TNKS: variants seen among roughly 807,000 people sequenced by gnomAD.
TNKS encodes poly [ADP-ribose] polymerase tankyrase-1.
In TNKS, 72 loss-of-function variants were observed where a neutral mutation model predicts 135.8. That is an observed-to-expected ratio of 0.53 (90% confidence interval 0.44 to 0.64). The LOEUF is 0.64. Ranked by LOEUF, TNKS falls within the 30% of genes least tolerant of loss-of-function variation. TNKS has a pLI of 0.00. For missense variants in TNKS, 1,769 were observed against 1,674.0 expected (o/e 1.06, Z -0.99); for synonymous variants, 849 against 649.3 (o/e 1.31, Z -4.68).
intron 13 of TNKS, among the ~76,000 whole-genome samples, chr8:9,730,337 A>G (rs752637719): frequency 2.8e-4 from 43 of 152,326 alleles, no homozygotes; most frequent in South Asian, 1.2e-3. Context: ...TTGTAAAGGT[A>G]AGCAAACGTT....
rs530248428 is a variant in TNKS, at chr8:9,763,142, G to T, written c.3275-5G>T. ...GTTTTATATGTTAATTTTTCTCTCCGACAGGCACCAATCCTTATTTGACTT... is the reference window on the plus strand; with the variant it reads ...GTTTTATATGTTAATTTTTCTCTCCTACAGGCACCAATCCTTATTTGACTT... On this transcript the variant is annotated splice_region_variant and splice_polypyrimidine_tract_variant and intron_variant, in intron 21 of 26. Coordinates refer to ENST00000310430, the MANE Select transcript of TNKS (RefSeq NM_003747.3). 1 of 1,546,440 alleles carries T rather than the reference G, an allele frequency of 6.5e-7. No individual in the cohort carries two copies. Among genetic ancestry groups the T allele is most frequent in the Non-Finnish European group, 8.8e-7 (1 of 1,139,714 alleles).
chr8:9,689,844 C>A (rs1012497867), intron 5 of TNKS, among the ~76,000 whole-genome samples: 1 of 152,118 alleles, frequency 6.6e-6, no homozygotes. Flanking sequence ...TAAGGTGGAC[C>A]GATTCCCTCC....
At chr8:9,563,011 C>A (rs1418945531) in intron 1 of TNKS, among the ~76,000 whole-genome samples, 1 of 151,836 alleles carries the variant, frequency 6.6e-6, no homozygotes, top group Non-Finnish European at 1.5e-5. Flanking sequence ...ATTATTCGTT[C>A]TTTTCTTTTT....
At position 9,612,369 on chromosome 8, in the gene TNKS, A is replaced by G. The variant is rs767914458; in HGVS notation, c.899-3213A>G. On this transcript the variant is annotated intron_variant, in intron 2 of 26. Transcript: ENST00000310430. ...TAAACAGTTCTGGGAATCGAATTTT[A>G]TATAATATGCTTTGTATAGCATAGA... 5.2e-4 allele frequency among the ~76,000 whole-genome samples: 79 copies of G among 152,272 alleles called. 1 individual carries two copies. The highest frequency in any genetic ancestry group is 8.1e-4 in the Non-Finnish European group (55 of 68,014).
chr8:9,629,471 G>T (rs547804457), intron 3 of TNKS, among the ~76,000 whole-genome samples: 6 of 152,088 alleles, frequency 3.9e-5, no homozygotes, highest in African/African-American at 1.4e-4. Flanking sequence ...TTTTAATCTG[G>T]CCCCTATCTA....
intron 5 of TNKS, among the ~76,000 whole-genome samples, chr8:9,688,651 T>C (rs1483353092): frequency 6.6e-6 from 1 of 152,174 alleles, no homozygotes; most frequent in Non-Finnish European, 1.5e-5. Flanking sequence ...TTTTCTTTTT[T>C]TCTTTTGAGA....
chr8:9,610,237 A>T (rs185306814), intron 2 of TNKS, among the ~76,000 whole-genome samples: 14 of 152,268 alleles, frequency 9.2e-5, no homozygotes, highest in Non-Finnish European at 1.6e-4. Context: ...GACTACTTTT[A>T]TGCTATAATA....
chr8:9,764,300 T>C (rs553877962), intron 22 of TNKS, among the ~76,000 whole-genome samples: 24 of 152,198 alleles, frequency 1.6e-4, no homozygotes, highest in African/African-American at 5.3e-4. Context: ...CTGAAGACTA[T>C]TGAGATAATA....
rs1554477765 is a variant in TNKS at position 9,721,298 on chromosome 8, T to TTATATATATACATATATATATA, written c.1921+763_1921+764insCATATATATATATATATATATA. ...TCTGTCTCAAAAATAAATAAATAAA[T>TTATATATATACATATATATATA]TATATATATATATAAAATTATAAAA... On this transcript the variant is annotated intron_variant, in intron 12 of 26. Coordinates refer to ENST00000310430, the MANE Select transcript of TNKS (RefSeq NM_003747.3). Among the ~76,000 whole-genome samples, 26 of 118,158 alleles carry TTATATATATACATATATATATA rather than the reference T, an allele frequency of 2.2e-4. 1 individual carries two copies. Among genetic ancestry groups the TTATATATATACATATATATATA allele is most frequent in the African/African-American group, 7.5e-4 (26 of 34,470 alleles). The allele number at this position is 118,158 out of a possible 152,430, so 77.5% of individuals were successfully genotyped here. A position where few individuals can be genotyped will look rare whatever the true frequency, so the allele number is the denominator to read the frequency against.
chr8:9,773,792 C>T (rs1313076952), intron 26 of TNKS, among the ~76,000 whole-genome samples: 1 of 151,924 alleles, frequency 6.6e-6, no homozygotes, highest in Admixed American at 6.6e-5. Flanking sequence ...GATAATTGCT[C>T]TTCCATATTC....
At chr8:9,585,860 G>T (rs1444450622) in intron 2 of TNKS, among the ~76,000 whole-genome samples, 1 of 151,986 alleles carries the variant, frequency 6.6e-6, no homozygotes, top group African/African-American at 2.4e-5. Flanking sequence ...TAACAATTAG[G>T]ACTTAAAAAA....
intron 3 of TNKS, among the ~76,000 whole-genome samples, chr8:9,672,522 A>G (rs1423040700): frequency 3.0e-4 from 46 of 152,078 alleles, no homozygotes; most frequent in Admixed American, 3.0e-3. Flanking sequence ...GGGAGTGTGA[A>G]TTGATGGCTG....
chr8:9,629,011 T>C (rs1160138660), intron 3 of TNKS, among the ~76,000 whole-genome samples: 7 of 152,216 alleles, frequency 4.6e-5, no homozygotes, highest in Non-Finnish European at 1.0e-4. Context: ...GTTTTGTTGG[T>C]TTTACCTCCA....
chr8:9,561,316 T>C (rs931998130), intron 1 of TNKS, among the ~76,000 whole-genome samples: 5 of 152,258 alleles, frequency 3.3e-5, no homozygotes, highest in Non-Finnish European at 4.4e-5. Flanking sequence ...ACTGAACTTA[T>C]GACTTTCCTT....
chr8:9,558,703 G>C (rs1217190889), intron 1 of TNKS: 1 of 152,110 alleles, frequency 6.6e-6, no homozygotes, highest in Non-Finnish European at 1.5e-5. Context: ...TAAGCTAGAA[G>C]ATAAACAATC....
intron 3 of TNKS, among the ~76,000 whole-genome samples, chr8:9,678,341 G>A (rs1195508331): frequency 1.3e-5 from 2 of 152,126 alleles, no homozygotes; most frequent in Non-Finnish European, 2.9e-5. Context: ...AACAAAGGTA[G>A]GTCTTGGGCT....
At chr8:9,716,065 T>C (rs1477884236) in intron 11 of TNKS, among the ~76,000 whole-genome samples, 2 of 152,216 alleles carry the variant, frequency 1.3e-5, no homozygotes, top group Non-Finnish European at 2.9e-5. Flanking sequence ...ATTATGTGCA[T>C]CTGTTAAATA....
chr8:9,609,551 T>C (rs955062822), intron 2 of TNKS, among the ~76,000 whole-genome samples: 5 of 152,226 alleles, frequency 3.3e-5, no homozygotes, highest in Non-Finnish European at 7.3e-5. Context: ...GATTTTATTT[T>C]TCTTGATCAG....
intron 20 of TNKS, among the ~76,000 whole-genome samples, chr8:9,761,310 GCAAAT>G (rs1807136686): frequency 6.6e-6 from 1 of 152,208 alleles, no homozygotes; most frequent in African/African-American, 2.4e-5. Flanking sequence ...TGGACAAAAA[GCAAAT>G]CAAAGAGTAC....
Sources: allele counts gnomAD v4.1 joint callset (sites outside exome capture counted in the v4.1 genomes callset), GRCh38; gene constraint gnomAD v4.1.1; transcripts MANE v1.5; gene names NCBI Gene and HGNC (gene_info 2026-07-23, HGNC 2026-07-21).